Variants in LRRC4C observed in about 807,000 individuals in gnomAD.
The protein encoded by LRRC4C is leucine-rich repeat-containing protein 4C.
Under a neutral mutation model 33.6 loss-of-function variants are expected in LRRC4C, and 5 were observed. That is an observed-to-expected ratio of 0.15 (90% CI 0.08 to 0.31). The LOEUF is 0.31. Among genes scored for constraint, LRRC4C ranks in the 10% least tolerant of loss-of-function variants. LRRC4C has a pLI of 1.00. For missense variants in LRRC4C, 560 were observed against 796.7 expected, an observed-to-expected ratio of 0.70 and a Z score of 3.58; for synonymous variants, 329 against 302.0, an observed-to-expected ratio of 1.09 and a Z score of -0.93.
chr11:40,776,525 T>C (rs1249934224), intron 2 of LRRC4C, among the ~76,000 whole-genome samples: 3 of 152,168 alleles, frequency 2.0e-5, no homozygotes, highest in Non-Finnish European at 4.4e-5. Flanking sequence ...CATAGAGGTG[T>C]TCATAATAGT....
In LRRC4C at chr11:40,762,093, A is replaced by C. The variant is rs1044923352; in HGVS notation, c.-406-113815T>G. Among the ~76,000 whole-genome samples, 3 of 152,078 alleles carry C rather than the reference A, an allele frequency of 2.0e-5. No homozygotes were observed. In the South Asian group the frequency reaches 6.2e-4, roughly 32 times the overall value. On this transcript the variant is annotated intron_variant, in intron 2 of 6. Coordinates refer to ENST00000528697, the MANE Select transcript of LRRC4C (RefSeq NM_001258419.2). ...ACATTTTCCAAGGGATTGTTCCTGG[A>C]ATTGGCTATTTTTTCTGCAGTTTTG...
rs536487095 is a variant in LRRC4C at position 40,263,014 on chromosome 11, G to T, written c.-175-21416C>A. Among the ~76,000 whole-genome samples, 8 of 151,114 alleles carry T rather than the reference G, an allele frequency of 5.3e-5. No individual in the cohort carries two copies. The East Asian group carries it at 1.6e-3, about 29-fold the overall frequency. On this transcript the variant is annotated intron_variant, in intron 4 of 6. Coordinates refer to ENST00000528697, the MANE Select transcript of LRRC4C (RefSeq NM_001258419.2). ...AAAAAAAGAATTTTTTTTGGCCAGA[G>T]CTTACATCTCCTGCATATACTCAAT...
chr11:40,373,445 A>C (rs1387713817), intron 3 of LRRC4C, among the ~76,000 whole-genome samples: 1 of 152,228 alleles, frequency 6.6e-6, no homozygotes, highest in African/African-American at 2.4e-5. Flanking sequence ...TATGTAGAAT[A>C]TAAAATTTTT....
At chr11:40,347,603 ATATT>A (rs374059700) in intron 3 of LRRC4C, among the ~76,000 whole-genome samples, 11 of 152,114 alleles carry the variant, frequency 7.2e-5, no homozygotes, top group African/African-American at 2.7e-4. Flanking sequence ...TCATTTGAAA[ATATT>A]TATTTATTTT....
intron 3 of LRRC4C, among the ~76,000 whole-genome samples, chr11:40,522,710 C>T (rs1955871828): frequency 6.6e-6 from 1 of 152,140 alleles, no homozygotes; most frequent in Admixed American, 6.5e-5. Flanking sequence ...CTCCCCATTT[C>T]CCCTACTAAG....
In LRRC4C at chr11:41,032,577, G is replaced by T. The variant is rs1042317676; in HGVS notation, c.-495-98854C>A. 1.9e-4 allele frequency among the ~76,000 whole-genome samples: 29 copies of T among 151,776 alleles called. No homozygotes were observed. The East Asian group carries it at 4.3e-3, about 22-fold the overall frequency. On this transcript the variant is annotated intron_variant, in intron 1 of 6. Coordinates refer to ENST00000528697, the MANE Select transcript of LRRC4C (RefSeq NM_001258419.2). ...AAATTTTATGATATTTTCCAAAATT[G>T]GTTCATCAATGGGTCTGACTGGCCC...
intron 4 of LRRC4C, among the ~76,000 whole-genome samples, chr11:40,260,529 A>G (rs1024770618): frequency 6.6e-6 from 1 of 151,154 alleles, no homozygotes; most frequent in African/African-American, 2.5e-5. Flanking sequence ...CATTGTGCAC[A>G]TGTACCCTAA....
At chr11:41,067,864 A>G (rs908510263) in intron 1 of LRRC4C, among the ~76,000 whole-genome samples, 34 of 152,138 alleles carry the variant, frequency 2.2e-4, no homozygotes, top group African/African-American at 8.2e-4. Context: ...CAATGAGAAC[A>G]GAGAGACAAC....
intron 5 of LRRC4C, among the ~76,000 whole-genome samples, chr11:40,240,334 T>C (rs1430199810): frequency 6.6e-6 from 1 of 152,206 alleles, no homozygotes; most frequent in Non-Finnish European, 1.5e-5. Context: ...TACATGTCAC[T>C]TATGTAAATA....
intron 2 of LRRC4C, among the ~76,000 whole-genome samples, chr11:40,914,227 T>C (rs1035081137): frequency 6.6e-6 from 1 of 152,104 alleles, no homozygotes; most frequent in Non-Finnish European, 1.5e-5. Flanking sequence ...TACCAAATCC[T>C]GGCAGAGACA....
At chr11:40,245,073 C>G (rs966266111) in intron 4 of LRRC4C, among the ~76,000 whole-genome samples, 2 of 152,066 alleles carry the variant, frequency 1.3e-5, no homozygotes, top group African/African-American at 4.8e-5. Context: ...TGTAAAAATC[C>G]TGATATTTTT....
At chr11:41,273,702 G>A (rs757342394) in intron 1 of LRRC4C, among the ~76,000 whole-genome samples, 1 of 152,096 alleles carries the variant, frequency 6.6e-6, no homozygotes, top group Non-Finnish European at 1.5e-5. Context: ...ATGGTATTGT[G>A]CACTTTAAAA....
At position 40,412,941 on chromosome 11, in the gene LRRC4C, A is replaced by G. The variant is rs533593592; in HGVS notation, c.-269-93220T>C. ...AGCTATCATTGTTATATTCAGAGAAAAGAACTTCAGTTTCTAAACATGGTA... is the reference window on the plus strand; with the variant it reads ...AGCTATCATTGTTATATTCAGAGAAGAGAACTTCAGTTTCTAAACATGGTA... On this transcript the variant is annotated intron_variant, in intron 3 of 6. Coordinates refer to ENST00000528697, the MANE Select transcript of LRRC4C (RefSeq NM_001258419.2). Among the ~76,000 whole-genome samples the G allele has an allele frequency of 3.9e-5, 6 of 152,220 alleles. No homozygotes were observed. In the South Asian group the frequency reaches 1.2e-3, roughly 32 times the overall value.
chr11:40,613,433 A>G (rs1961437414), intron 3 of LRRC4C, among the ~76,000 whole-genome samples: 1 of 151,796 alleles, frequency 6.6e-6, no homozygotes, highest in African/African-American at 2.4e-5. Flanking sequence ...AAATTTTGTC[A>G]TGAGATTGCA....
At chr11:40,956,171 TA>T (rs1230230489) in intron 1 of LRRC4C, among the ~76,000 whole-genome samples, 8 of 151,894 alleles carry the variant, frequency 5.3e-5, no homozygotes, top group African/African-American at 1.9e-4. Context: ...CAAAAACAAA[TA>T]ACCTTGTGCT....
At chr11:40,382,123 ATTTTTTTTTTTTTTTTTTTT>A (rs77934711) in intron 3 of LRRC4C, among the ~76,000 whole-genome samples, 1 of 99,986 alleles carries the variant, frequency 1.0e-5, no homozygotes, top group African/African-American at 3.8e-5. Context: ...TGCCCGGCTA[ATTTTTTTTTTTTTTTTTTTT>A]TTTTTTTTTT....
chr11:40,220,711 T>A (rs1864342422), intron 5 of LRRC4C, among the ~76,000 whole-genome samples: 1 of 152,114 alleles, frequency 6.6e-6, no homozygotes, highest in Non-Finnish European at 1.5e-5. Context: ...AAATAATATT[T>A]TTTCTTACTG....
chr11:40,647,205 T>C (rs935147165), intron 3 of LRRC4C, among the ~76,000 whole-genome samples: 14 of 152,212 alleles, frequency 9.2e-5, no homozygotes, highest in African/African-American at 3.4e-4. Flanking sequence ...GGAAAATGCA[T>C]GAGCAATACC....
chr11:40,150,383 A>G (rs1253017537), intron 5 of LRRC4C, among the ~76,000 whole-genome samples: 1 of 152,206 alleles, frequency 6.6e-6, no homozygotes, highest in Admixed American at 6.5e-5. Flanking sequence ...AGGTAAAGCA[A>G]TTTCTTTGTA....
Sources: allele counts gnomAD v4.1 joint callset (sites outside exome capture counted in the v4.1 genomes callset), GRCh38; gene constraint gnomAD v4.1.1; transcripts MANE v1.5; gene names NCBI Gene and HGNC (gene_info 2026-07-23, HGNC 2026-07-21).